The following CMTR1 variants were observed in gnomAD, a reference collection of about 807,000 sequenced individuals.
CMTR1 encodes cap methyltransferase 1.
CMTR1 carries 39 observed loss-of-function variants against 107.0 expected under a neutral mutation model. The ratio of observed to expected loss-of-function variants is 0.36; its 90% CI spans 0.28 to 0.48. CMTR1 has a LOEUF of 0.48. CMTR1 is among the 20% of genes least tolerant of loss of function. The pLI is 0.99. For synonymous variants in CMTR1, 366 were observed against 379.5 expected, an observed-to-expected ratio of 0.96 and a Z score of 0.41; for missense variants, 672 against 1,064.9, an observed-to-expected ratio of 0.63 and a Z score of 5.14.
intron 4 of CMTR1, among the ~76,000 whole-genome samples, chr6:37,448,676 T>G (rs552116508): frequency 6.6e-6 from 1 of 152,376 alleles, no homozygotes; most frequent in African/African-American, 2.4e-5. Flanking sequence ...TTTCAGAGCA[T>G]GTAATATTAC....
chr6:37,455,086 G>GTTTT (rs11403925), intron 8 of CMTR1, among the ~76,000 whole-genome samples: 2 of 147,274 alleles, frequency 1.4e-5, no homozygotes, highest in Non-Finnish European at 3.0e-5. Flanking sequence ...GCAGACTGAA[G>GTTTT]TTTTTTTTTT....
chr6:37,476,217 C>G, intron 20 of CMTR1, 23 bp downstream of exon 20: 1 of 1,612,660 alleles, frequency 6.2e-7, no homozygotes, highest in Non-Finnish European at 8.5e-7. Context: ...TCCCTACCCT[C>G]CATGCTTCTT....
chr6:37,460,132 A>C (rs986443145), intron 10 of CMTR1, among the ~76,000 whole-genome samples: 4 of 152,236 alleles, frequency 2.6e-5, no homozygotes, highest in African/African-American at 9.6e-5. Flanking sequence ...CAGTAATCTG[A>C]CAATGCAGGC....
At chr6:37,438,594 C>T (rs1452190878) in intron 2 of CMTR1, among the ~76,000 whole-genome samples, 1 of 152,150 alleles carries the variant, frequency 6.6e-6, no homozygotes, top group East Asian at 1.9e-4. Flanking sequence ...AAGACTGCTC[C>T]CTGTGCCTTC....
In CMTR1 at chr6:37,480,648, G is replaced by C. The variant is rs528297417; in HGVS notation, c.*503G>C. On this transcript the variant is annotated 3_prime_UTR_variant, in exon 24 of 24. Coordinates refer to ENST00000373451, the MANE Select transcript of CMTR1 (RefSeq NM_015050.3). ...CCTGCTATAAAAAAATCAAGGTTTTGTTTCTTTGAACTTACTCTGTTTTGA... is the reference window on the plus strand; with the variant it reads ...CCTGCTATAAAAAAATCAAGGTTTTCTTTCTTTGAACTTACTCTGTTTTGA... 10 of 1,021,128 alleles carry C rather than the reference G, an allele frequency of 9.8e-6. No individual in the cohort carries two copies. In the African/African-American group the frequency reaches 1.0e-4, roughly 11 times the overall value. The allele number at this position is 1,021,128 out of a possible 1,614,324, so 63.3% of individuals were successfully genotyped here.
intron 18 of CMTR1, among the ~76,000 whole-genome samples, chr6:37,474,910 A>AT (rs558363922): frequency 6.6e-6 from 1 of 152,150 alleles, no homozygotes; most frequent in Non-Finnish European, 1.5e-5. Context: ...TCTACTGGGT[A>AT]TTTTTTAGCA....
At position 37,480,846 on chromosome 6, in the gene CMTR1, G is replaced by T. The variant is rs1420495165; in HGVS notation, c.*701G>T. 2 of 1,183,628 alleles carry T rather than the reference G, an allele frequency of 1.7e-6. No individual in the cohort carries two copies. The highest frequency in any genetic ancestry group is 2.1e-6 in the Non-Finnish European group (2 of 940,546). The allele number at this position is 1,183,628 out of a possible 1,614,324, so 73.3% of individuals were successfully genotyped here. ...CCTGGGAGCCCTCTTTTCGTACTGAGTATGGAGTTGTAGAGCCATCCTAGG... is the reference window on the plus strand; with the variant it reads ...CCTGGGAGCCCTCTTTTCGTACTGATTATGGAGTTGTAGAGCCATCCTAGG... On this transcript the variant is annotated 3_prime_UTR_variant, in exon 24 of 24. Transcript: ENST00000373451.
intron 23 of CMTR1, 128 bp from the exon 24 acceptor site, chr6:37,479,885 T>C: frequency 1.1e-6 from 1 of 941,882 alleles, no homozygotes; most frequent in South Asian, 2.2e-5. Flanking sequence ...CGGGTACCTT[T>C]TGCCTGCCGG....
At chr6:37,434,665 C>T (rs1038396302) in intron 1 of CMTR1, among the ~76,000 whole-genome samples, 1 of 152,092 alleles carries the variant, frequency 6.6e-6, no homozygotes, top group African/African-American at 2.4e-5. Context: ...GCTCTGTCGC[C>T]CAGGGTGGAG....
chr6:37,462,693 G>T, intron 12 of CMTR1, 136 bp from the exon 13 acceptor site: 1 of 739,614 alleles, frequency 1.4e-6, no homozygotes, highest in East Asian at 2.6e-5. Flanking sequence ...CAAAGGGTCT[G>T]TGTTGTTCTT....
intron 3 of CMTR1, among the ~76,000 whole-genome samples, chr6:37,445,806 T>C (rs1771782373): frequency 6.6e-6 from 1 of 152,156 alleles, no homozygotes. Flanking sequence ...TACCTCACTT[T>C]TACATGAGGC....
chr6:37,429,966 T>C (rs1771340847), upstream of CMTR1, among the ~76,000 whole-genome samples: 2 of 151,726 alleles, frequency 1.3e-5, no homozygotes, highest in Non-Finnish European at 2.9e-5. Context: ...AAAAAGAATA[T>C]ACTCTCAAGT....
intron 13 of CMTR1, among the ~76,000 whole-genome samples, chr6:37,468,160 C>CTT (rs796839914): frequency 3.9e-4 from 55 of 141,778 alleles, no homozygotes; most frequent in African/African-American, 1.4e-3. Flanking sequence ...TTTTAGATGC[C>CTT]TTTTTTTTTT....
intron 4 of CMTR1, 61 bp downstream of exon 4, chr6:37,446,510 A>G: frequency 1.9e-6 from 3 of 1,544,164 alleles, no homozygotes; most frequent in Non-Finnish European, 2.6e-6. Context: ...GCATGGCTTT[A>G]AGAAGCCATA....
chr6:37,449,997 GA>G (rs1483948052), intron 4 of CMTR1, among the ~76,000 whole-genome samples: 6 of 152,130 alleles, frequency 3.9e-5, no homozygotes, highest in Non-Finnish European at 7.4e-5. Flanking sequence ...AATAATAATG[GA>G]ACAAATGAAA....
rs758290293 is a variant in CMTR1 at position 37,472,667 on chromosome 6, C to A, written c.1689+180C>A. 2.0e-5 allele frequency among the ~76,000 whole-genome samples: 3 copies of A among 152,220 alleles called. No individual in the cohort carries two copies. The highest frequency in any genetic ancestry group is 4.4e-5 in the Non-Finnish European group (3 of 68,032). ...AACCTTTGGTATAGGGTGTTGAATT[C>A]CCCAAGAGCACAGTCAGGCCAACGG... On this transcript the variant is annotated intron_variant, in intron 16 of 23. Coordinates refer to ENST00000373451, the MANE Select transcript of CMTR1 (RefSeq NM_015050.3). This position sits in a 1 kb window ranked among gnomAD's most constrained non-coding sequence, Gnocchi z 4.1.
intron 8 of CMTR1, among the ~76,000 whole-genome samples, chr6:37,457,393 C>T (rs1382489713): frequency 1.3e-5 from 2 of 152,106 alleles, no homozygotes; most frequent in Admixed American, 6.5e-5. Context: ...CCCTCTCTGT[C>T]TTGTCAGCTT....
rs6921274 is a variant in CMTR1, at chr6:37,476,223, T to C, written c.2105+29T>C. ...AGCATGTGGTCCCTACCCTCCATGC[T>C]TCTTTCTGGCCAGTACCTGCTGCTC... On this transcript the variant is annotated intron_variant, in intron 20 of 23. Transcript: ENST00000373451. The C allele has an allele frequency of 4.4e-4, 705 of 1,612,260 alleles. 3 individuals carry two copies. The African/African-American group carries it at 7.4e-3, about 17-fold the overall frequency.
chr6:37,452,048 G>T (rs1006988708), intron 6 of CMTR1, among the ~76,000 whole-genome samples, 171 bp downstream of exon 6: 3 of 152,178 alleles, frequency 2.0e-5, no homozygotes, highest in African/African-American at 7.2e-5. Flanking sequence ...CTGGGTGACT[G>T]TTCTGCCCTG....
Sources: gnomAD v4.1 joint callset for allele counts (sites outside exome capture counted in the v4.1 genomes callset) on GRCh38, gnomAD v4.1.1 for gene constraint, Gnocchi (gnomAD v3.1) non-coding constraint, MANE v1.5 for transcripts, NCBI Gene and HGNC (gene_info 2026-07-23, HGNC 2026-07-21) for gene names.